The following KDM4C variants were observed in gnomAD, a reference collection of about 807,000 sequenced individuals.
KDM4C encodes lysine demethylase 4C.
A neutral mutation model predicts 129.3 loss-of-function variants in KDM4C; 81 were observed. The ratio of observed to expected loss-of-function variants is 0.63; its 90% confidence interval spans 0.52 to 0.75. The LOEUF is 0.75. KDM4C is among the 30% of genes least tolerant of loss of function. The pLI is 0.00. For missense variants in KDM4C, 1,457 were observed against 1,304.0 expected, an observed-to-expected ratio of 1.12 and a Z score of -1.81; for synonymous variants, 573 against 456.1, an observed-to-expected ratio of 1.26 and a Z score of -3.26.
intron 3 of KDM4C, 130 bp downstream of exon 3, chr9:6,805,904 A>T (rs1829881402): frequency 1.3e-6 from 1 of 753,772 alleles, no homozygotes; most frequent in Admixed American, 3.4e-5. Context: ...CCCTTCATTG[A>T]ACTGTTTCTG....
At chr9:6,826,630 C>T (rs989504487) in intron 4 of KDM4C, among the ~76,000 whole-genome samples, 3 of 152,050 alleles carry the variant, frequency 2.0e-5, no homozygotes, top group Non-Finnish European at 2.9e-5. Context: ...CTTTGGGAGG[C>T]CAAGGTGGGT....
chr9:6,772,054 G>A (rs1204579904), intron 1 of KDM4C, among the ~76,000 whole-genome samples: 1 of 152,186 alleles, frequency 6.6e-6, no homozygotes, highest in Non-Finnish European at 1.5e-5. Context: ...GCCTTGTTTG[G>A]CTGCCTTCTC....
intron 17 of KDM4C, among the ~76,000 whole-genome samples, chr9:7,053,042 G>A (rs1321857456): frequency 1.3e-5 from 2 of 152,174 alleles, no homozygotes; most frequent in Non-Finnish European, 2.9e-5. Flanking sequence ...CTTGGGGCAA[G>A]TTAGAGTTTT....
intron 8 of KDM4C, among the ~76,000 whole-genome samples, chr9:6,956,099 A>C (rs1158047855): frequency 6.6e-6 from 1 of 151,938 alleles, no homozygotes; most frequent in African/African-American, 2.4e-5. Context: ...CCAGAGGCTG[A>C]GGAGGGTAGT....
intron 1 of KDM4C, among the ~76,000 whole-genome samples, chr9:6,775,536 T>C (rs1295727726): frequency 6.6e-6 from 1 of 151,988 alleles, no homozygotes; most frequent in Non-Finnish European, 1.5e-5. Context: ...AATGGTTTTT[T>C]TTTGAGATGG....
chr9:6,880,646 C>T (rs1390531932), intron 6 of KDM4C, among the ~76,000 whole-genome samples: 11 of 152,170 alleles, frequency 7.2e-5, no homozygotes, highest in Admixed American at 7.2e-4. Context: ...ACTTACTTTA[C>T]TGCAGGTTGC....
intron 5 of KDM4C, among the ~76,000 whole-genome samples, chr9:6,877,419 C>T (rs930110211): frequency 6.6e-6 from 1 of 152,144 alleles, no homozygotes; most frequent in Non-Finnish European, 1.5e-5. Context: ...CCAGGGTGGT[C>T]TCGGTCTCCT....
chr9:7,056,204 A>G (rs1223522227), intron 17 of KDM4C, among the ~76,000 whole-genome samples: 1 of 152,238 alleles, frequency 6.6e-6, no homozygotes, highest in African/African-American at 2.4e-5. Context: ...ACTATACTAC[A>G]GATGACACGG....
intron 5 of KDM4C, among the ~76,000 whole-genome samples, chr9:6,872,919 C>T (rs952203274): frequency 1.3e-5 from 2 of 152,002 alleles, no homozygotes; most frequent in African/African-American, 2.4e-5. Flanking sequence ...TCTACCTGTC[C>T]TTTGAAGCTT....
intron 8 of KDM4C, among the ~76,000 whole-genome samples, chr9:6,898,884 G>C (rs1222744165): frequency 6.6e-6 from 1 of 152,070 alleles, no homozygotes; most frequent in African/African-American, 2.4e-5. Context: ...ATATGCTTTT[G>C]ATCACAAAAT....
At chr9:7,024,861 G>A (rs952238756) in intron 15 of KDM4C, among the ~76,000 whole-genome samples, 62 of 152,260 alleles carry the variant, frequency 4.1e-4, no homozygotes, top group African/African-American at 1.4e-3. Flanking sequence ...TAATGGGATG[G>A]CTGGGTCAAA....
intron 8 of KDM4C, among the ~76,000 whole-genome samples, chr9:6,921,126 C>T (rs538346624): frequency 1.2e-4 from 18 of 152,062 alleles, no homozygotes; most frequent in African/African-American, 3.9e-4. Flanking sequence ...TTCTTTGATA[C>T]CTTCGAGAGC....
At chr9:6,859,530 T>C (rs1301985665) in intron 5 of KDM4C, among the ~76,000 whole-genome samples, 1 of 143,346 alleles carries the variant, frequency 7.0e-6, no homozygotes, top group African/African-American at 2.6e-5. Flanking sequence ...ACGACAGATG[T>C]CTCAAGTAGG....
At chr9:7,058,330 G>T (rs544503817) in intron 17 of KDM4C, among the ~76,000 whole-genome samples, 12 of 152,284 alleles carry the variant, frequency 7.9e-5, no homozygotes, top group African/African-American at 2.4e-4. Flanking sequence ...AAGTGCAACG[G>T]CTGGTAAAGC....
chr9:7,019,819 C>G (rs1019376767), intron 15 of KDM4C, among the ~76,000 whole-genome samples: 2 of 124,988 alleles, frequency 1.6e-5, no homozygotes, highest in Non-Finnish European at 3.5e-5. Flanking sequence ...TATTATTTCA[C>G]CCATTCCCAG....
intron 8 of KDM4C, among the ~76,000 whole-genome samples, chr9:6,899,542 G>GTGTGTGT (rs1554633823): frequency 0.11 from 16,680 of 150,088 alleles, 1,073 homozygotes; most frequent in South Asian, 0.3. Flanking sequence ...TTTCCATGGG[G>GTGTGTGT]GTGTGTGTGT....
At chr9:7,146,391 CTT>C (rs1842218083) in intron 19 of KDM4C, among the ~76,000 whole-genome samples, 1 of 152,178 alleles carries the variant, frequency 6.6e-6, no homozygotes, top group Non-Finnish European at 1.5e-5. Flanking sequence ...TATCCTTACT[CTT>C]TTCCCCTAAT....
At chr9:6,990,616 T>A in intron 12 of KDM4C, 92 bp downstream of exon 12, 1 of 774,238 alleles carries the variant, frequency 1.3e-6, no homozygotes, top group Non-Finnish European at 2.1e-6. Context: ...GAAAAAAAAT[T>A]CAACAAGTAG....
chr9:6,961,385 G>T (rs1400470802), intron 8 of KDM4C, among the ~76,000 whole-genome samples: 1 of 152,062 alleles, frequency 6.6e-6, no homozygotes, highest in Non-Finnish European at 1.5e-5. Flanking sequence ...AGTGTTTTGT[G>T]TTTATGTTAC....
Sources: allele counts gnomAD v4.1 joint callset (sites outside exome capture counted in the v4.1 genomes callset), GRCh38; gene constraint gnomAD v4.1.1; transcripts MANE v1.5; gene names NCBI Gene and HGNC (gene_info 2026-07-23, HGNC 2026-07-21).